Variants in TENM2 observed in about 807,000 individuals in gnomAD.
The protein encoded by TENM2 is teneurin-2.
A neutral mutation model predicts 245.2 loss-of-function variants in TENM2; 52 were observed. The ratio of observed to expected loss-of-function variants is 0.21; its 90% CI spans 0.17 to 0.27. TENM2 has a LOEUF of 0.27. TENM2 is among the 10% of genes least tolerant of loss of function. The pLI is 1.00. For synonymous variants in TENM2, 1,363 were observed against 1,438.9 expected, an observed-to-expected ratio of 0.95 and a Z score of 1.19; for missense variants, 3,046 against 3,666.8, an observed-to-expected ratio of 0.83 and a Z score of 4.37.
the TENM2 span, among the ~76,000 whole-genome samples, chr5:167,059,745 C>T: frequency 6.8e-6 from 1 of 146,360 alleles, no homozygotes; most frequent in African/African-American, 2.6e-5. Context: ...CTCTTGTCGC[C>T]CAGGCTGGAG....
chr5:167,265,331 CAAAAAAAAAAAAAAAAAA>C, the TENM2 span, among the ~76,000 whole-genome samples: 1 of 39,400 alleles, frequency 2.5e-5, no homozygotes, highest in Admixed American at 3.7e-4. Flanking sequence ...GACTCTGTCT[CAAAAAAAAAAAAAAAAAA>C]AAAAAAAAGA....
At chr5:167,486,663 A>G (rs1768094636) in intron 2 of TENM2, among the ~76,000 whole-genome samples, 1 of 152,122 alleles carries the variant, frequency 6.6e-6, no homozygotes, top group African/African-American at 2.4e-5. Context: ...ACAAGTTACT[A>G]GTGCACTGAT....
the TENM2 span, among the ~76,000 whole-genome samples, chr5:167,198,385 G>A: frequency 1.3e-5 from 2 of 152,094 alleles, no homozygotes; most frequent in Admixed American, 1.3e-4. Context: ...AAAGGAGGGC[G>A]CTAAGCCTTG....
chr5:167,711,223 G>T (rs1437568798), intron 2 of TENM2, among the ~76,000 whole-genome samples: 1 of 152,168 alleles, frequency 6.6e-6, no homozygotes, highest in Non-Finnish European at 1.5e-5. Context: ...AGGAATACAG[G>T]TTAAAAATAC....
chr5:168,175,498 G>A (rs1383265424), intron 13 of TENM2, among the ~76,000 whole-genome samples: 5 of 152,088 alleles, frequency 3.3e-5, no homozygotes, highest in Non-Finnish European at 5.9e-5. Flanking sequence ...TAGCCACATA[G>A]GCTTACAAAA....
At chr5:167,095,268 A>T in the TENM2 span, among the ~76,000 whole-genome samples, 6 of 152,186 alleles carry the variant, frequency 3.9e-5, no homozygotes, top group Non-Finnish European at 8.8e-5. Context: ...TTGTAGAAAG[A>T]ATCATGACCC....
intron 5 of TENM2, among the ~76,000 whole-genome samples, chr5:168,027,490 C>A (rs1306091629): frequency 2.0e-5 from 3 of 152,158 alleles, no homozygotes; most frequent in African/African-American, 7.2e-5. Context: ...CTGGAACTGA[C>A]CTCAGCCCTG....
intron 2 of TENM2, among the ~76,000 whole-genome samples, chr5:167,583,041 T>C (rs1369563646): frequency 2.0e-5 from 3 of 152,202 alleles, no homozygotes; most frequent in Non-Finnish European, 4.4e-5. Flanking sequence ...TTGCCAAGTT[T>C]TTCTCTGGAA....
intron 2 of TENM2, among the ~76,000 whole-genome samples, chr5:167,840,102 TG>T (rs1233720030): frequency 2.0e-5 from 3 of 152,238 alleles, no homozygotes; most frequent in Admixed American, 6.5e-5. Flanking sequence ...ATTACAGGCG[TG>T]AGCCACCACA....
chr5:168,242,278 G>A lies in TENM2; in HGVS notation c.5521-2142G>A, dbSNP rs896676019. On this transcript the variant is annotated intron_variant, in intron 25 of 28. Coordinates refer to ENST00000518659, the Ensembl canonical transcript of TENM2. ...CAAAGCTGTTTCCCAGAATGCAAGT[G>A]TCTGTGGTATTAGAATTATTCCTTG... Among the ~76,000 whole-genome samples, 3 of 152,208 alleles carry A rather than the reference G, an allele frequency of 2.0e-5. No individual in the cohort carries two copies. In the South Asian group the frequency reaches 6.2e-4, roughly 32 times the overall value.
At chr5:167,769,856 G>A (rs1262820540) in intron 2 of TENM2, among the ~76,000 whole-genome samples, 1 of 152,156 alleles carries the variant, frequency 6.6e-6, no homozygotes, top group Non-Finnish European at 1.5e-5. Context: ...GTGAACCCAG[G>A]ATGCCTGTGG....
chr5:168,198,444 C>A (rs1761651466), intron 15 of TENM2, among the ~76,000 whole-genome samples: 1 of 152,130 alleles, frequency 6.6e-6, no homozygotes, highest in African/African-American at 2.4e-5. Flanking sequence ...GATGCACTCA[C>A]CTCAGCCTCA....
Position 167,687,283 on chromosome 5 carries a change from G to A in TENM2, c.503-188703G>A, listed in dbSNP as rs1757136250. 2.6e-5 allele frequency among the ~76,000 whole-genome samples: 4 copies of A among 152,032 alleles called. 1 individual carries two copies. The South Asian group carries it at 6.2e-4, about 24-fold the overall frequency. Reference sequence around the variant, plus strand: ...ATTTGCATATCTAGAGAATATATACGTATATGATCTAAGTATTCAGTGTAA... The same window carrying A: ...ATTTGCATATCTAGAGAATATATACATATATGATCTAAGTATTCAGTGTAA... On this transcript the variant is annotated intron_variant, in intron 2 of 28. Transcript: ENST00000518659.
At chr5:167,418,958 A>G (rs1258210111) in intron 2 of TENM2, among the ~76,000 whole-genome samples, 1 of 152,186 alleles carries the variant, frequency 6.6e-6, no homozygotes, top group East Asian at 1.9e-4. Flanking sequence ...TAGTTTAAAC[A>G]TTATCATCTA....
the TENM2 span, among the ~76,000 whole-genome samples, chr5:167,129,179 G>A: frequency 6.6e-6 from 1 of 152,152 alleles, no homozygotes; most frequent in Non-Finnish European, 1.5e-5. Flanking sequence ...AACCCAGGAA[G>A]TGGCTGGAAC....
intron 2 of TENM2, among the ~76,000 whole-genome samples, chr5:167,498,782 A>G (rs1768983647): frequency 6.6e-6 from 1 of 152,176 alleles, no homozygotes; most frequent in Non-Finnish European, 1.5e-5. Flanking sequence ...TTTTATTTCA[A>G]ATTTTCAAAT....
the TENM2 span, among the ~76,000 whole-genome samples, chr5:167,084,944 T>C: frequency 2.6e-5 from 4 of 152,298 alleles, no homozygotes; most frequent in South Asian, 8.3e-4. Context: ...CCTTTAACAT[T>C]AGGGCCCTAG....
intron 5 of TENM2, among the ~76,000 whole-genome samples, chr5:168,035,963 G>C (rs147374424): frequency 8.7e-4 from 133 of 152,254 alleles, no homozygotes; most frequent in African/African-American, 3.1e-3. Context: ...AGAAAGTTTG[G>C]CCTAAAAGAG....
intron 1 of TENM2, among the ~76,000 whole-genome samples, chr5:167,348,548 A>G (rs1437837395): frequency 6.6e-6 from 1 of 152,174 alleles, no homozygotes; most frequent in Non-Finnish European, 1.5e-5. Context: ...GATAGAATAC[A>G]TGATCCCAGT....
Sources: allele counts gnomAD v4.1 joint callset (sites outside exome capture counted in the v4.1 genomes callset), GRCh38; gene constraint gnomAD v4.1.1; transcripts MANE v1.5; gene names NCBI Gene and HGNC (gene_info 2026-07-23, HGNC 2026-07-21).